The following CENPP variants were observed in gnomAD, a reference collection of about 807,000 sequenced individuals.
The protein encoded by CENPP is centromere protein P.
A neutral mutation model predicts 35.6 loss-of-function variants in CENPP; 24 were observed. That is an observed-to-expected ratio of 0.67 (90% CI 0.49 to 0.95). The LOEUF (loss-of-function observed/expected upper bound fraction) is 0.95. CENPP is among the 40% of genes least tolerant of loss of function. The probability of loss-of-function intolerance (pLI) is 0.00; values close to 1 mark genes in which losing one functional copy is unlikely to be tolerated. For missense variants in CENPP, 332 were observed against 345.3 expected (o/e 0.96, Z 0.31); for synonymous variants, 120 against 125.5 (o/e 0.96, Z 0.29).
At chr9:92,545,706 T>C (rs1368105487) in intron 5 of CENPP, among the ~76,000 whole-genome samples, 1 of 151,366 alleles carries the variant, frequency 6.6e-6, no homozygotes, top group Non-Finnish European at 1.5e-5. Context: ...CCAGCTGGGC[T>C]CATCCAGCTG....
At chr9:92,334,474 G>T (rs1396715977) in intron 2 of CENPP, among the ~76,000 whole-genome samples, 1 of 152,118 alleles carries the variant, frequency 6.6e-6, no homozygotes, top group Admixed American at 6.5e-5. Flanking sequence ...AGCTTTAAAT[G>T]TATGTTGTTA....
chr9:92,487,264 C>T (rs191342691), intron 5 of CENPP, among the ~76,000 whole-genome samples: 1 of 152,240 alleles, frequency 6.6e-6, no homozygotes, highest in East Asian at 1.9e-4. Flanking sequence ...ACCAGGACTC[C>T]TTGGAGAAAT....
At chr9:92,567,893 A>C (rs1289327458) in intron 5 of CENPP, among the ~76,000 whole-genome samples, 1 of 152,156 alleles carries the variant, frequency 6.6e-6, no homozygotes, top group Non-Finnish European at 1.5e-5. Flanking sequence ...CCTCACTACA[A>C]AAAGCCAAAA....
chr9:92,435,513 T>C (rs1305362131), intron 5 of CENPP, among the ~76,000 whole-genome samples: 2 of 152,176 alleles, frequency 1.3e-5, no homozygotes, highest in Admixed American at 6.5e-5. Flanking sequence ...TTACAGAACA[T>C]TTTTATCCCT....
intron 4 of CENPP, among the ~76,000 whole-genome samples, chr9:92,367,206 T>A (rs867495580): frequency 6.6e-6 from 1 of 152,148 alleles, no homozygotes; most frequent in African/African-American, 2.4e-5. Context: ...TCACTCTGTC[T>A]CCCAGGCTGG....
chr9:92,352,990 T>G (rs754706184), intron 4 of CENPP, among the ~76,000 whole-genome samples: 2 of 152,086 alleles, frequency 1.3e-5, no homozygotes, highest in Non-Finnish European at 2.9e-5. Flanking sequence ...AATCTTCAAA[T>G]AAAGACAATA....
At chr9:92,529,883 G>A (rs72754438) in intron 5 of CENPP, among the ~76,000 whole-genome samples, 15,499 of 152,174 alleles carry the variant, frequency 0.1, 911 homozygotes, top group East Asian at 0.17. Flanking sequence ...TTATATCACA[G>A]GTTCTGCATC....
intron 5 of CENPP, among the ~76,000 whole-genome samples, chr9:92,577,475 A>G (rs1025045665): frequency 1.1e-4 from 17 of 152,258 alleles, no homozygotes; most frequent in Admixed American, 1.1e-3. Context: ...CCATGGAGCT[A>G]CATACGACAT....
At chr9:92,567,369 G>GATATAT (rs888840109) in intron 5 of CENPP, among the ~76,000 whole-genome samples, 3,402 of 103,832 alleles carry the variant, frequency 0.033, 64 homozygotes, top group Middle Eastern at 0.045. Context: ...AGTTACATAA[G>GATATAT]ATAGATATAT....
intron 5 of CENPP, among the ~76,000 whole-genome samples, chr9:92,586,241 C>T (rs751585539): frequency 3.3e-5 from 5 of 152,278 alleles, no homozygotes; most frequent in Admixed American, 6.5e-5. Context: ...GACAGGGTTT[C>T]GCCATGTTGG....
intron 5 of CENPP, among the ~76,000 whole-genome samples, chr9:92,477,007 T>C (rs987028190): frequency 3.9e-5 from 6 of 152,306 alleles, no homozygotes; most frequent in East Asian, 1.9e-4. Flanking sequence ...GTAGCTTGGA[T>C]TGGAAGGTAG....
At chr9:92,386,441 G>A (rs191790003) in intron 5 of CENPP, 263 of 583,106 alleles carry the variant, frequency 4.5e-4, no homozygotes, top group African/African-American at 4.3e-3. Flanking sequence ...TCAATTGTTC[G>A]TATGGTAGTT....
At chr9:92,326,346 G>A (rs1378195857) in intron 1 of CENPP, among the ~76,000 whole-genome samples, 1 of 152,208 alleles carries the variant, frequency 6.6e-6, no homozygotes, top group Non-Finnish European at 1.5e-5. Flanking sequence ...GACTGACAAG[G>A]AGGAAGTCTT....
At chr9:92,595,937 G>A (rs1313756302) in intron 5 of CENPP, among the ~76,000 whole-genome samples, 2 of 151,868 alleles carry the variant, frequency 1.3e-5, no homozygotes, top group Non-Finnish European at 2.9e-5. Flanking sequence ...ATACATCATT[G>A]GCTTTATTTA....
Position 92,415,556 on chromosome 9 carries a change from A to G in CENPP, c.564+35697A>G, listed in dbSNP as rs563386603. The G allele has an allele frequency of 1.6e-5, 11 of 702,612 alleles. No individual in the cohort carries two copies. The African/African-American group carries it at 2.0e-4, about 13-fold the overall frequency. 43.5% of individuals were successfully genotyped at this position (702,612 alleles called of 1,614,324 possible). A position where few individuals can be genotyped will look rare whatever the true frequency, so the allele number is the denominator to read the frequency against. On this transcript the variant is annotated intron_variant, in intron 5 of 7. Transcript: ENST00000375587. The stretch of plus-strand genomic sequence containing the variant: ...TAGCCATAATTCTATGTTAGATTTT[A>G]TATTGTATGGGATATAATTCTGTTA...
chr9:92,607,296 C>T (rs955980253), intron 5 of CENPP, among the ~76,000 whole-genome samples: 1 of 152,144 alleles, frequency 6.6e-6, no homozygotes, highest in Non-Finnish European at 1.5e-5. Flanking sequence ...GGTGTAACCT[C>T]ACTGATGTCA....
intron 2 of CENPP, among the ~76,000 whole-genome samples, chr9:92,335,275 C>G (rs1270728952): frequency 1.3e-5 from 2 of 152,128 alleles, no homozygotes; most frequent in Non-Finnish European, 2.9e-5. Flanking sequence ...TAGTGTTCAT[C>G]TATAAAGAAA....
At chr9:92,501,257 T>G (rs1396742717) in intron 5 of CENPP, among the ~76,000 whole-genome samples, 1 of 152,162 alleles carries the variant, frequency 6.6e-6, no homozygotes, top group South Asian at 2.1e-4. Flanking sequence ...GGTGCCATAC[T>G]GCCTCCCAGC....
At chr9:92,415,264 T>A in intron 5 of CENPP, 1 of 1,613,792 alleles carries the variant, frequency 6.2e-7, no homozygotes, top group African/African-American at 1.3e-5. Context: ...ATCATCATCA[T>A]CTGGAAATCT....
Sources: gnomAD v4.1 joint callset for allele counts (sites outside exome capture counted in the v4.1 genomes callset) on GRCh38, gnomAD v4.1.1 for gene constraint, MANE v1.5 for transcripts, NCBI Gene and HGNC (gene_info 2026-07-23, HGNC 2026-07-21) for gene names.